Variants in PCDHA9 observed in about 807,000 individuals in gnomAD.
PCDHA9 encodes the protein protocadherin alpha 9, also known as protocadherin alpha-9.
In PCDHA9, 62 loss-of-function variants were observed where a neutral mutation model predicts 62.0. The observed-to-expected ratio is 1.00, with a 90% CI of 0.81 to 1.23. The LOEUF is 1.23. Ranked by LOEUF, PCDHA9 falls within the 50% of genes most tolerant of loss-of-function variation. The pLI is 0.00. For synonymous variants in PCDHA9, 557 were observed against 567.6 expected, an observed-to-expected ratio of 0.98 and a Z score of 0.27; for missense variants, 1,205 against 1,249.8, an observed-to-expected ratio of 0.96 and a Z score of 0.54.
intron 1 of PCDHA9, among the ~76,000 whole-genome samples, chr5:140,941,286 C>CTCTT (rs5871754): frequency 5.6e-5 from 6 of 106,818 alleles, no homozygotes; most frequent in African/African-American, 1.4e-4. Context: ...TCCTTCCTTT[C>CTCTT]TCTTTCTTTC....
At chr5:140,870,990 G>C in intron 1 of PCDHA9, 6 of 1,613,518 alleles carry the variant, frequency 3.7e-6, no homozygotes, top group Non-Finnish European at 5.1e-6. Flanking sequence ...ACACGGGCGA[G>C]ATAAGCACAA....
At position 140,855,941 on chromosome 5, in the gene PCDHA9, C is replaced by G; in HGVS notation, c.2394+5052C>G. Reference sequence around the variant, plus strand: ...AGGAAGTAGCGTCATTCTGAGATCTCAGCCATTTCGATAAAAAATAGATAT... The same window carrying G: ...AGGAAGTAGCGTCATTCTGAGATCTGAGCCATTTCGATAAAAAATAGATAT... On this transcript the variant is annotated intron_variant, in intron 1 of 3. Transcript: ENST00000532602. The G allele has an allele frequency of 3.0e-6, 4 of 1,328,222 alleles. 1 individual carries two copies. The highest frequency in any genetic ancestry group is 4.1e-6 in the Non-Finnish European group (4 of 966,976). The allele number at this position is 1,328,222 out of a possible 1,614,324, so 82.3% of individuals were successfully genotyped here.
chr5:140,949,852 T>C (rs1311994394), intron 1 of PCDHA9, among the ~76,000 whole-genome samples: 1 of 151,956 alleles, frequency 6.6e-6, no homozygotes. Context: ...TGTTTCCGCT[T>C]ATCTGTTGTC....
intron 1 of PCDHA9, chr5:140,869,331 G>T: frequency 6.2e-7 from 1 of 1,613,954 alleles, no homozygotes; most frequent in Non-Finnish European, 8.5e-7. Flanking sequence ...ACCTTCTGGA[G>T]GTAAATCTGC....
intron 1 of PCDHA9, chr5:140,882,580 C>T (rs371338305): frequency 1.2e-6 from 2 of 1,614,126 alleles, no homozygotes; most frequent in African/African-American, 2.7e-5. Context: ...AGTGCAGCAT[C>T]CACCTGGAGG....
chr5:140,850,843 CA>C lies in PCDHA9; in HGVS notation c.2349del (p.Glu784SerfsTer29). On this transcript the variant is annotated frameshift_variant, in exon 1 of 4. Coordinates refer to ENST00000532602, the MANE Select transcript of PCDHA9 (RefSeq NM_031857.2). LOFTEE classifies it high-confidence loss of function. ...GGCCTTTCTCCTTGTGCTGGATCTA[CA>C]GAGCGAACGGGAGAACCCTCTGCTT... ...SPGLSPCAGS[T>X]ERTGEPSASS... The C allele has an allele frequency of 6.3e-7, 1 of 1,597,346 alleles. No individual in the cohort carries two copies. Among genetic ancestry groups the C allele is most frequent in the Non-Finnish European group, 8.6e-7 (1 of 1,166,930 alleles).
In PCDHA9 at chr5:141,011,714, C is replaced by G. The variant is rs2098421596; in HGVS notation, c.*1777C>G. On this transcript the variant is annotated 3_prime_UTR_variant, in exon 4 of 4. Transcript: ENST00000532602. ...TTTTGGAATGAATACTGACAATATT[C>G]CATGAGGGTGTGCAAGCACAAATTT... 1 of 153,650 alleles carries G rather than the reference C, an allele frequency of 6.5e-6. No individual in the cohort carries two copies. Among genetic ancestry groups the G allele is most frequent in the South Asian group, 2.1e-4 (1 of 4,822 alleles). 9.5% of individuals were successfully genotyped at this position (153,650 alleles called of 1,614,324 possible).
At chr5:140,978,904 A>G (rs2096828000) in intron 1 of PCDHA9, 45 bp from the exon 2 acceptor site, 2 of 1,613,322 alleles carry the variant, frequency 1.2e-6, no homozygotes, top group Non-Finnish European at 8.5e-7. Flanking sequence ...CTGGGAGAAC[A>G]TTGTCTTGTC....
At chr5:140,924,901 A>AT (rs1554202312) in intron 1 of PCDHA9, among the ~76,000 whole-genome samples, 3 of 80,456 alleles carry the variant, frequency 3.7e-5, no homozygotes, top group African/African-American at 8.6e-5. Context: ...TCTCAAAAAA[A>AT]AAAATAAAAT....
intron 1 of PCDHA9, among the ~76,000 whole-genome samples, chr5:140,942,586 A>C (rs559683622): frequency 1.3e-5 from 2 of 150,518 alleles, no homozygotes; most frequent in African/African-American, 4.9e-5. Context: ...ATAGGATGTC[A>C]CATATAATTA....
intron 1 of PCDHA9, among the ~76,000 whole-genome samples, chr5:140,951,653 C>T (rs2094610729): frequency 6.6e-6 from 1 of 152,176 alleles, no homozygotes; most frequent in South Asian, 2.1e-4. Context: ...TCACCTCCCA[C>T]CAGGGCCTGC....
intron 1 of PCDHA9, among the ~76,000 whole-genome samples, chr5:140,947,554 G>T (rs977454594): frequency 1.3e-5 from 2 of 151,358 alleles, no homozygotes; most frequent in Non-Finnish European, 3.0e-5. Flanking sequence ...AATTCCGCTG[G>T]GATTTATATT....
chr5:140,892,596 T>C (rs143701120), intron 1 of PCDHA9, among the ~76,000 whole-genome samples: 79 of 152,254 alleles, frequency 5.2e-4, no homozygotes, highest in African/African-American at 1.4e-3. Flanking sequence ...CATTCACCTA[T>C]TTTTTTCCTT....
intron 1 of PCDHA9, chr5:140,928,085 T>G: frequency 1.9e-6 from 3 of 1,614,236 alleles, no homozygotes; most frequent in Non-Finnish European, 8.5e-7. Flanking sequence ...TACAGCCTGC[T>G]GATTGATGGG....
At position 140,896,169 on chromosome 5, in the gene PCDHA9, GT is replaced by G. The variant is rs1473218621; in HGVS notation, c.2394+45281del. Among the ~76,000 whole-genome samples, 40 of 152,274 alleles carry G rather than the reference GT, an allele frequency of 2.6e-4. 1 individual carries two copies. The East Asian group carries it at 5.2e-3, about 20-fold the overall frequency. ...TGATGGGCATTTAGGATTATTCTCT[GT>G]CTTTGCTATTGTGAATAGTGCCATG... is the stretch of plus-strand genomic sequence containing the variant. On this transcript the variant is annotated intron_variant, in intron 1 of 3. Transcript: ENST00000532602.
chr5:140,870,722 G>C (rs1554164638), intron 1 of PCDHA9: 20 of 1,613,222 alleles, frequency 1.2e-5, no homozygotes, highest in Non-Finnish European at 1.4e-5. Context: ...CGCGATGCGG[G>C]CGTGCCGCCT....
At chr5:140,987,944 T>C (rs910006070) in intron 3 of PCDHA9, among the ~76,000 whole-genome samples, 11 of 152,186 alleles carry the variant, frequency 7.2e-5, no homozygotes, top group African/African-American at 2.7e-4. Context: ...CTTACCTGTC[T>C]GACAAAACCA....
rs782293908 is a variant in PCDHA9, at chr5:140,870,195, C to A, written c.2394+19306C>A. 3.1e-6 allele frequency: 5 copies of A among 1,614,178 alleles called. No individual in the cohort carries two copies. In the South Asian group the frequency reaches 5.5e-5, roughly 18 times the overall value. On this transcript the variant is annotated intron_variant, in intron 1 of 3. Transcript: ENST00000532602. ...TCCCAGTACGAGAGGACGCTCAGCC[C>A]AGCACGGTCATTGCCCTGATCAGCG...
chr5:140,941,199 C>CT (rs879983584), intron 1 of PCDHA9, among the ~76,000 whole-genome samples: 21,657 of 115,670 alleles, frequency 0.19, 2,171 homozygotes, highest in East Asian at 0.37. Flanking sequence ...TTTTTTCTTT[C>CT]TTCCTTTCTT....
Sources: allele counts gnomAD v4.1 joint callset (sites outside exome capture counted in the v4.1 genomes callset), GRCh38; gene constraint gnomAD v4.1.1; transcripts MANE v1.5; gene names NCBI Gene and HGNC (gene_info 2026-07-23, HGNC 2026-07-21).